Variants in UBR1 observed in about 807,000 individuals in gnomAD.
The protein encoded by UBR1 is ubiquitin protein ligase E3 component n-recognin 1, also known as E3 ubiquitin-protein ligase UBR1.
A neutral mutation model predicts 242.1 loss-of-function variants in UBR1; 102 were observed. That is an observed-to-expected ratio of 0.42 (90% CI 0.36 to 0.50). The LOEUF is 0.50. Ranked by LOEUF, UBR1 falls within the 20% of genes least tolerant of loss-of-function variation. The probability of loss-of-function intolerance (pLI) is 0.01; values close to 1 mark genes in which losing one functional copy is unlikely to be tolerated. For missense variants in UBR1, 1,772 were observed against 2,101.8 expected, an observed-to-expected ratio of 0.84 and a Z score of 3.07; for synonymous variants, 675 against 684.8, an observed-to-expected ratio of 0.99 and a Z score of 0.22.
At chr15:43,060,268 T>C (rs1465428693) in intron 6 of UBR1, among the ~76,000 whole-genome samples, 154 bp from the exon 7 acceptor site, 1 of 152,208 alleles carries the variant, frequency 6.6e-6, no homozygotes, top group Non-Finnish European at 1.5e-5. Flanking sequence ...GAAAGACAGA[T>C]GCAAATGTTT....
At chr15:43,022,309 T>C (rs1025990879) in intron 26 of UBR1, among the ~76,000 whole-genome samples, 1 of 152,100 alleles carries the variant, frequency 6.6e-6, no homozygotes, top group African/African-American at 2.4e-5. Context: ...CAGATTTCTA[T>C]CATTTAAAAT....
At chr15:42,987,454 G>A (rs935588619) in intron 35 of UBR1, among the ~76,000 whole-genome samples, 2 of 152,136 alleles carry the variant, frequency 1.3e-5, no homozygotes, top group African/African-American at 4.8e-5. Context: ...GGTGGCTCAC[G>A]CCTGTAATCC....
intron 1 of UBR1, among the ~76,000 whole-genome samples, chr15:43,094,170 C>G (rs995504560): frequency 6.6e-6 from 1 of 152,184 alleles, no homozygotes; most frequent in Non-Finnish European, 1.5e-5. Flanking sequence ...GGTGGCTCAG[C>G]TGTAATCCCA....
chr15:42,949,380 GTAAC>G (rs1452119679), intron 46 of UBR1, among the ~76,000 whole-genome samples: 1 of 151,486 alleles, frequency 6.6e-6, no homozygotes, highest in Non-Finnish European at 1.5e-5. Context: ...GTATACATAT[GTAAC>G]TAACCTGCAC....
At chr15:42,987,221 G>A (rs1340997408) in intron 35 of UBR1, among the ~76,000 whole-genome samples, 1 of 152,198 alleles carries the variant, frequency 6.6e-6, no homozygotes. Context: ...CCCTCTCTAT[G>A]GGCTTAAGAT....
intron 44 of UBR1, among the ~76,000 whole-genome samples, chr15:42,953,964 C>T (rs142814444): frequency 9.3e-5 from 14 of 151,332 alleles, no homozygotes; most frequent in Non-Finnish European, 1.5e-4. Context: ...CTCACTGCTG[C>T]CTCAACCTCC....
At chr15:43,096,864 C>T (rs1021646457) in intron 1 of UBR1, among the ~76,000 whole-genome samples, 9 of 152,100 alleles carry the variant, frequency 5.9e-5, no homozygotes, top group Admixed American at 5.2e-4. Flanking sequence ...TCTTGAACCC[C>T]TCAAAGTCAT....
chr15:43,073,109 C>T (rs1476698448), intron 4 of UBR1, among the ~76,000 whole-genome samples: 2 of 150,998 alleles, frequency 1.3e-5, no homozygotes, highest in African/African-American at 2.4e-5. Flanking sequence ...TACAATGAGC[C>T]GAGATCATAC....
At chr15:43,036,674 CTT>C in intron 17 of UBR1, 81 bp from the exon 18 acceptor site, 1 of 1,008,082 alleles carries the variant, frequency 9.9e-7, no homozygotes, top group Non-Finnish European at 1.5e-6. Flanking sequence ...ATCCTTAAAA[CTT>C]TCTCTAAGCT....
At chr15:43,008,220 A>AACCC (rs2032863363) in intron 29 of UBR1, among the ~76,000 whole-genome samples, 2 of 152,206 alleles carry the variant, frequency 1.3e-5, no homozygotes, top group African/African-American at 4.8e-5. Flanking sequence ...AACAGGAGGG[A>AACCC]ACCCCACCCC....
chr15:42,972,122 A>G (rs926719872), intron 39 of UBR1, among the ~76,000 whole-genome samples: 2 of 152,236 alleles, frequency 1.3e-5, no homozygotes, highest in African/African-American at 2.4e-5. Flanking sequence ...GCACCATTGT[A>G]GTATTTTTCA....
intron 5 of UBR1, 51 bp from the exon 6 acceptor site, chr15:43,068,087 AG>A (rs770256892): frequency 3.4e-4 from 437 of 1,298,320 alleles, no homozygotes; most frequent in Non-Finnish European, 3.9e-4. Context: ...ATAAAGGAAA[AG>A]TAAAAAAAAA....
In UBR1 at chr15:42,942,897, T is replaced by A. The variant is rs2031674495; in HGVS notation, c.*2432A>T. 1 of 152,582 alleles carries A rather than the reference T, an allele frequency of 6.6e-6. No individual in the cohort carries two copies. The highest frequency in any genetic ancestry group is 1.5e-5 in the Non-Finnish European group (1 of 68,042). 9.5% of individuals were successfully genotyped at this position (152,582 alleles called of 1,614,324 possible). A position where few individuals can be genotyped will look rare whatever the true frequency, so the allele number is the denominator to read the frequency against. On this transcript the variant is annotated 3_prime_UTR_variant, in exon 47 of 47. Transcript: ENST00000290650. ...AATCCCCAAACATGAGAAGTCCCTA[T>A]TTTTCTTTTTAAATATACACATATA...
At chr15:43,076,560 T>C (rs376459900) in intron 3 of UBR1, among the ~76,000 whole-genome samples, 1 of 139,672 alleles carries the variant, frequency 7.2e-6, no homozygotes, top group Non-Finnish European at 1.5e-5. Flanking sequence ...CCCGCCGCCC[T>C]GTCTGGGATG....
chr15:42,989,662 G>A (rs1672082821), intron 34 of UBR1, among the ~76,000 whole-genome samples: 2 of 152,152 alleles, frequency 1.3e-5, no homozygotes, highest in Admixed American at 6.5e-5. Flanking sequence ...GGCATGGAGT[G>A]ACCTGAGACT....
intron 12 of UBR1, among the ~76,000 whole-genome samples, chr15:43,054,338 G>A (rs183866096): frequency 1.0e-3 from 157 of 151,802 alleles, no homozygotes; most frequent in African/African-American, 3.5e-3. Flanking sequence ...GCAACACAGC[G>A]AGACCCTGTC....
intron 14 of UBR1, 141 bp from the exon 15 acceptor site, chr15:43,043,536 G>A: frequency 1.3e-6 from 1 of 775,278 alleles, no homozygotes; most frequent in Non-Finnish European, 2.2e-6. Context: ...CAACCTCCTG[G>A]GCTCAGTCAC....
rs1272008445 is a variant in UBR1 at position 43,007,160 on chromosome 15, T to C, written c.3334A>G (p.Asn1112Asp). The C allele has an allele frequency of 6.2e-7, 1 of 1,614,170 alleles. No homozygotes were observed. Among genetic ancestry groups the C allele is most frequent in the African/African-American group, 1.3e-5 (1 of 75,048 alleles). ...ACACAGGCCGATAATACCATGGCAT[T>C]ATTTTCTATTTTCACCTCCTGTTCT... ...QEEQEVKIEN[N>D]AMVLSACVQK... Residue 1112 changes from asparagine to aspartate, a missense_variant, in exon 30 of 47, where the codon AAT (asparagine) becomes GAT (aspartate). By Grantham distance (23) the Asn-to-Asp change is conservative. Transcript: ENST00000290650.
Position 43,060,064 on chromosome 15 carries a change from C to T in UBR1, c.849G>A (p.Lys283=), listed in dbSNP as rs1240244752. The change falls in exon 7 of 47, where the codon AAG becomes AAA. Residue 283 remains lysine (K), a synonymous_variant. Transcript: ENST00000290650. ...AGAYAACQEA[K]EDIKSHSENV... Reference sequence around the variant, plus strand: ...TTCAGAAAGTTACCTTTATATCTTCCTTTGCTTCCTGGCAAGCAGCATAAG... The same window carrying T: ...TTCAGAAAGTTACCTTTATATCTTCTTTTGCTTCCTGGCAAGCAGCATAAG... 3 of 1,613,910 alleles carry T rather than the reference C, an allele frequency of 1.9e-6. No individual in the cohort carries two copies. Among genetic ancestry groups the T allele is most frequent in the Admixed American group, 1.7e-5 (1 of 59,986 alleles).
Sources: gnomAD v4.1 joint callset for allele counts (sites outside exome capture counted in the v4.1 genomes callset) on GRCh38, gnomAD v4.1.1 for gene constraint, MANE v1.5 for transcripts, NCBI Gene and HGNC (gene_info 2026-07-23, HGNC 2026-07-21) for gene names.